The following TENM3 variants were observed in gnomAD, a reference collection of about 807,000 sequenced individuals.
The protein encoded by TENM3 is teneurin-3.
TENM3 carries 63 observed loss-of-function variants against 255.1 expected under a neutral mutation model. That is an observed-to-expected ratio of 0.25 (90% CI 0.20 to 0.30). TENM3 has a LOEUF of 0.30. TENM3 is among the 10% of genes least tolerant of loss of function. TENM3 has a pLI of 1.00. For missense variants in TENM3, 2,929 were observed against 3,461.1 expected (o/e 0.85, Z 3.86); for synonymous variants, 1,306 against 1,322.3 (o/e 0.99, Z 0.27).
At chr4:182,153,561 A>T (rs1472709559) in intron 1 of TENM3, among the ~76,000 whole-genome samples, 1 of 152,146 alleles carries the variant, frequency 6.6e-6, no homozygotes, top group Non-Finnish European at 1.5e-5. Flanking sequence ...AAAGTTTTCT[A>T]TAAAATCTGA....
the TENM3 span, among the ~76,000 whole-genome samples, chr4:181,620,421 C>T: frequency 6.6e-6 from 1 of 152,124 alleles, no homozygotes; most frequent in East Asian, 1.9e-4. Flanking sequence ...AAGGTTGGCT[C>T]TCTTTATACA....
intron 3 of TENM3, among the ~76,000 whole-genome samples, chr4:182,506,435 C>T (rs1736827928): frequency 2.6e-5 from 4 of 152,150 alleles, no homozygotes; most frequent in Admixed American, 1.3e-4. Flanking sequence ...GGAGAAGTAA[C>T]GTAGGAAGAG....
the TENM3 span, among the ~76,000 whole-genome samples, chr4:181,520,811 C>T: frequency 7.9e-5 from 12 of 151,826 alleles, no homozygotes; most frequent in Non-Finnish European, 1.5e-4. Flanking sequence ...CCATGTTGAA[C>T]GCTCAACAAT....
chr4:182,226,665 A>C (rs946596105), intron 1 of TENM3, among the ~76,000 whole-genome samples: 2 of 152,138 alleles, frequency 1.3e-5, no homozygotes, highest in Non-Finnish European at 2.9e-5. Context: ...GCCTCCCTCC[A>C]CCTTGGACCC....
At chr4:181,605,539 A>G in the TENM3 span, among the ~76,000 whole-genome samples, 2 of 24,438 alleles carry the variant, frequency 8.2e-5, no homozygotes, top group African/African-American at 1.9e-4. Context: ...AGAAAGAAAG[A>G]AAGAAAGAAA....
chr4:181,812,731 C>G, the TENM3 span, among the ~76,000 whole-genome samples: 1 of 152,116 alleles, frequency 6.6e-6, no homozygotes, highest in African/African-American at 2.4e-5. Flanking sequence ...TGGATACCAC[C>G]CTGGGCATTC....
intron 1 of TENM3, among the ~76,000 whole-genome samples, chr4:182,268,385 C>T (rs1278924134): frequency 6.6e-6 from 1 of 152,110 alleles, no homozygotes; most frequent in East Asian, 1.9e-4. Context: ...TGCCCCTATT[C>T]AGCCTAAAAA....
At position 182,753,675 on chromosome 4, in the gene TENM3, G is replaced by C. The variant is rs1392305151; in HGVS notation, c.4017+71G>C. The C allele has an allele frequency of 2.1e-6, 3 of 1,455,064 alleles. No homozygotes were observed. In the African/African-American group the frequency reaches 4.2e-5, roughly 20 times the overall value. The allele number at this position is 1,455,064 out of a possible 1,614,324, so 90.1% of individuals were successfully genotyped here. A position where few individuals can be genotyped will look rare whatever the true frequency, so the allele number is the denominator to read the frequency against. On this transcript the variant is annotated intron_variant, in intron 21 of 27. Coordinates refer to ENST00000511685, the MANE Select transcript of TENM3 (RefSeq NM_001080477.4). ...TTGACTTATTCAGTCGGTAGACTATGATGGCACCATATTAAACTGCATATA... is the reference window on the plus strand; with the variant it reads ...TTGACTTATTCAGTCGGTAGACTATCATGGCACCATATTAAACTGCATATA...
chr4:182,349,455 G>A lies in TENM3; in HGVS notation c.511+2526G>A, dbSNP rs574920131. Among the ~76,000 whole-genome samples, 24 of 152,228 alleles carry A rather than the reference G, an allele frequency of 1.6e-4. No homozygotes were observed. The South Asian group carries it at 4.8e-3, about 30-fold the overall frequency. On this transcript the variant is annotated intron_variant, in intron 3 of 27. Transcript: ENST00000511685. Reference sequence around the variant, plus strand: ...ATGTAATTAATTACATTAAGATATAGGGAAGCATAATTTTCTGAAGTATTT... The same window carrying A: ...ATGTAATTAATTACATTAAGATATAAGGAAGCATAATTTTCTGAAGTATTT...
chr4:181,651,287 T>C, the TENM3 span, among the ~76,000 whole-genome samples: 1 of 152,162 alleles, frequency 6.6e-6, no homozygotes, highest in Non-Finnish European at 1.5e-5. Flanking sequence ...TCCCATGTAA[T>C]AAAAAGCAGC....
chr4:182,486,255 A>T (rs923738614), intron 3 of TENM3, among the ~76,000 whole-genome samples: 3 of 151,060 alleles, frequency 2.0e-5, no homozygotes, highest in Admixed American at 6.6e-5. Context: ...AAAAAGATTT[A>T]AAAAAGAAAA....
chr4:182,788,581 A>T (rs1034877332), intron 24 of TENM3, among the ~76,000 whole-genome samples: 1 of 152,220 alleles, frequency 6.6e-6, no homozygotes, highest in African/African-American at 2.4e-5. Flanking sequence ...GCCAAAAGCA[A>T]TGATCTTGTT....
rs560711072 is a variant in TENM3 at position 182,505,669 on chromosome 4, G to C, written c.512-95255G>C. Among the ~76,000 whole-genome samples the C allele has an allele frequency of 2.6e-3, 388 of 152,030 alleles. 4 individuals carry two copies. Among genetic ancestry groups the C allele is most frequent in the African/African-American group, 9.0e-3 (375 of 41,464 alleles). On this transcript the variant is annotated intron_variant, in intron 3 of 27. Transcript: ENST00000511685. ...ATTTTTTTTTATTTTCAGTAGAGACGGGGTTTCACCATGTTGGCCAGGCTG... is the reference window on the plus strand; with the variant it reads ...ATTTTTTTTTATTTTCAGTAGAGACCGGGTTTCACCATGTTGGCCAGGCTG...
the TENM3 span, among the ~76,000 whole-genome samples, chr4:181,700,535 G>T: frequency 2.0e-4 from 31 of 152,102 alleles, no homozygotes; most frequent in Non-Finnish European, 4.3e-4. Context: ...TCATTTCATT[G>T]CTACGTTCTT....
the TENM3 span, among the ~76,000 whole-genome samples, chr4:181,568,230 C>T: frequency 7.0e-6 from 1 of 143,108 alleles, no homozygotes; most frequent in Admixed American, 7.3e-5. Flanking sequence ...GTGGTGTAGT[C>T]TCAGCTCACT....
At chr4:182,686,575 T>C (rs1196417420) in intron 11 of TENM3, among the ~76,000 whole-genome samples, 1 of 152,150 alleles carries the variant, frequency 6.6e-6, no homozygotes, top group East Asian at 1.9e-4. Context: ...TTGGTTAAGC[T>C]GCTAAAAGAG....
intron 12 of TENM3, among the ~76,000 whole-genome samples, chr4:182,708,844 G>A (rs1046896555): frequency 6.6e-6 from 1 of 151,644 alleles, no homozygotes; most frequent in Non-Finnish European, 1.5e-5. Context: ...AGTAAGACTT[G>A]CCATCTCACA....
At chr4:182,643,641 A>C (rs1462183742) in intron 5 of TENM3, among the ~76,000 whole-genome samples, 1 of 152,196 alleles carries the variant, frequency 6.6e-6, no homozygotes, top group Non-Finnish European at 1.5e-5. Flanking sequence ...AGTCTCTTTT[A>C]ATACAAACAA....
At chr4:182,475,698 G>C (rs1733629181) in intron 3 of TENM3, among the ~76,000 whole-genome samples, 1 of 152,178 alleles carries the variant, frequency 6.6e-6, no homozygotes, top group Non-Finnish European at 1.5e-5. Flanking sequence ...ATGACAAGTA[G>C]TAGCAAGCTC....
Sources: gnomAD v4.1 joint callset for allele counts (sites outside exome capture counted in the v4.1 genomes callset) on GRCh38, gnomAD v4.1.1 for gene constraint, MANE v1.5 for transcripts, NCBI Gene and HGNC (gene_info 2026-07-23, HGNC 2026-07-21) for gene names.